Variants in VPS13D observed in about 807,000 individuals in gnomAD.
VPS13D encodes vacuolar protein sorting 13 homolog D, also known as intermembrane lipid transfer protein VPS13D.
Under a neutral mutation model 461.9 loss-of-function variants are expected in VPS13D, and 187 were observed. That is an observed-to-expected ratio of 0.40 (90% CI 0.36 to 0.46). The LOEUF is 0.46. Ranked by LOEUF, VPS13D falls within the 20% of genes least tolerant of loss-of-function variation. The pLI, the probability that VPS13D is intolerant of heterozygous loss-of-function variation, is 0.60. For missense variants in VPS13D, 4,711 were observed against 5,364.9 expected (o/e 0.88, Z 3.81); for synonymous variants, 1,951 against 1,986.3 (o/e 0.98, Z 0.47).
rs768132339 is a variant in VPS13D at position 12,460,407 on chromosome 1, T to A, written c.12662+11T>A. 26 of 1,552,106 alleles carry A rather than the reference T, an allele frequency of 1.7e-5. No homozygotes were observed. ...ACTCAGCGGCCCCAGGTCAGTGGTGTGGGAAGAATGGCTTTTGCAGTTTCC... is the reference window on the plus strand; with the variant it reads ...ACTCAGCGGCCCCAGGTCAGTGGTGAGGGAAGAATGGCTTTTGCAGTTTCC... On this transcript the variant is annotated intron_variant, in intron 67 of 69. Coordinates refer to ENST00000620676, the MANE Select transcript of VPS13D (RefSeq NM_015378.4).
intron 6 of VPS13D, among the ~76,000 whole-genome samples, chr1:12,252,907 C>G (rs1292863740): frequency 6.6e-6 from 1 of 151,652 alleles, no homozygotes; most frequent in African/African-American, 2.4e-5. Context: ...GCCTGTAATC[C>G]CAGCACTTTG....
intron 60 of VPS13D, among the ~76,000 whole-genome samples, chr1:12,396,010 TA>T (rs1644492064): frequency 1.5e-5 from 2 of 134,476 alleles, no homozygotes; most frequent in East Asian, 2.1e-4. Context: ...TATATATATA[TA>T]TATATATATA....
intron 15 of VPS13D, 50 bp from the exon 16 acceptor site, chr1:12,268,656 G>C: frequency 6.4e-7 from 1 of 1,571,522 alleles, no homozygotes; most frequent in Non-Finnish European, 8.6e-7. Context: ...TGTTAATAAG[G>C]CTATAGTTTT....
chr1:12,285,293 T>TC (rs1258743265), intron 21 of VPS13D, among the ~76,000 whole-genome samples: 1 of 143,234 alleles, frequency 7.0e-6, no homozygotes, highest in African/African-American at 2.7e-5. Context: ...TATTTATTTA[T>TC]TTATTTTTTT....
intron 18 of VPS13D, 33 bp from the exon 19 acceptor site, chr1:12,275,792 C>T: frequency 6.5e-7 from 1 of 1,528,410 alleles, no homozygotes; most frequent in East Asian, 2.3e-5. Context: ...AAATAGCAGA[C>T]ATATATTTGA....
chr1:12,356,214 A>G (rs924811374), intron 48 of VPS13D, 124 bp downstream of exon 48: 16 of 1,399,294 alleles, frequency 1.1e-5, no homozygotes, highest in Admixed American at 1.0e-4. Context: ...CTGCTGAAAC[A>G]TTCCTGCTTC....
chr1:12,428,178 G>A (rs1368956452), intron 65 of VPS13D, among the ~76,000 whole-genome samples: 1 of 152,204 alleles, frequency 6.6e-6, no homozygotes, highest in Non-Finnish European at 1.5e-5. Flanking sequence ...GCGGGTGAGA[G>A]TCTGGCTTTT....
intron 65 of VPS13D, among the ~76,000 whole-genome samples, chr1:12,449,074 G>A (rs560121946): frequency 4.6e-5 from 7 of 151,876 alleles, no homozygotes; most frequent in South Asian, 2.1e-4. Context: ...GTGTTTATCC[G>A]TGAAATAGCA....
At chr1:12,262,406 A>G (rs1641138973) in intron 13 of VPS13D, among the ~76,000 whole-genome samples, 1 of 152,246 alleles carries the variant, frequency 6.6e-6, no homozygotes, top group Non-Finnish European at 1.5e-5. Context: ...CACAAGAGTT[A>G]TACACATTCA....
At chr1:12,347,479 A>C (rs1643701341) in intron 44 of VPS13D, among the ~76,000 whole-genome samples, 1 of 152,110 alleles carries the variant, frequency 6.6e-6, no homozygotes, top group Non-Finnish European at 1.5e-5. Context: ...CTAGGATTTT[A>C]AGTAATTGTT....
intron 22 of VPS13D, among the ~76,000 whole-genome samples, chr1:12,290,488 C>A (rs1281608453): frequency 6.6e-6 from 1 of 151,970 alleles, no homozygotes; most frequent in South Asian, 2.1e-4. Context: ...TTTGGGAGGC[C>A]AAGGCGGGCG....
chr1:12,283,362 C>T lies in VPS13D; in HGVS notation c.5260C>T (p.Gln1754Ter). 1 of 1,614,098 alleles carries T rather than the reference C, an allele frequency of 6.2e-7. No individual in the cohort carries two copies. Among genetic ancestry groups the T allele is most frequent in the African/African-American group, 1.3e-5 (1 of 75,002 alleles). The change falls in exon 21 of 70, where the codon CAA becomes TAA. Residue 1754 changes from glutamine (Q) to a stop codon, truncating the protein, a stop_gained. Coordinates refer to ENST00000620676, the MANE Select transcript of VPS13D (RefSeq NM_015378.4). LOFTEE classifies it high-confidence loss of function. ...SASRKKQKEV[Q>*]DKDYPLTPPP... is the part of the protein sequence containing the mutation. ...GTCCCGGAAAAAGCAAAAGGAAGTC[C>T]AAGACAAGGACTATCCCTTGACCCC...
intron 2 of VPS13D, among the ~76,000 whole-genome samples, chr1:12,238,332 G>C (rs1640231802): frequency 6.6e-6 from 1 of 151,226 alleles, no homozygotes; most frequent in Non-Finnish European, 1.5e-5. Flanking sequence ...TGGCTACTGA[G>C]GAGGCTGAGG....
At chr1:12,368,426 T>G in intron 52 of VPS13D, 42 bp from the exon 53 acceptor site, 1 of 1,567,990 alleles carries the variant, frequency 6.4e-7, no homozygotes, top group Non-Finnish European at 8.6e-7. Flanking sequence ...GCATCTTGTC[T>G]CCTACATTTT....
At chr1:12,358,249 C>T (rs1325089354) in intron 49 of VPS13D, among the ~76,000 whole-genome samples, 5 of 152,206 alleles carry the variant, frequency 3.3e-5, no homozygotes, top group Non-Finnish European at 4.4e-5. Context: ...GTAAATTTCA[C>T]ACACTGTTGT....
intron 47 of VPS13D, among the ~76,000 whole-genome samples, chr1:12,355,047 A>C (rs560679276): frequency 1.3e-5 from 2 of 152,370 alleles, no homozygotes; most frequent in African/African-American, 2.4e-5. Flanking sequence ...GACGTACAGA[A>C]ATCAGAGGTG....
chr1:12,391,459 T>G (rs1489832771), intron 60 of VPS13D, among the ~76,000 whole-genome samples: 2 of 152,048 alleles, frequency 1.3e-5, no homozygotes, highest in African/African-American at 4.8e-5. Context: ...GTAACTTACT[T>G]GTGCCTTCAG....
rs192437749 is a variant in VPS13D at position 12,301,749 on chromosome 1, C to T, written c.6216+2365C>T. On this transcript the variant is annotated intron_variant, in intron 25 of 69. Coordinates refer to ENST00000620676, the MANE Select transcript of VPS13D (RefSeq NM_015378.4). ...TGAAAGTTCCAACCCTCTAATCACA[C>T]GGTTGCCTGTACTTCCAGCAACCCC... 1.9e-3 allele frequency among the ~76,000 whole-genome samples: 290 copies of T among 152,310 alleles called. 2 individuals carry two copies. The highest frequency in any genetic ancestry group is 0.011 in the Admixed American group (166 of 15,310).
Position 12,379,518 on chromosome 1 carries a change from C to T in VPS13D, c.11112C>T (p.Asp3704=), listed in dbSNP as rs775504097. The T allele has an allele frequency of 2.5e-6, 4 of 1,613,342 alleles. No individual in the cohort carries two copies. Among genetic ancestry groups the T allele is most frequent in the South Asian group, 2.2e-5 (2 of 90,930 alleles). ...RYEPLMLRKP[D]RRRSTTQTWS... ...AGCCACTGATGCTGAGAAAGCCTGA[C>T]CGCAGGCGAAGCACAACTCAGACGT... Residue 3704 remains aspartate (D), a synonymous_variant, in exon 57 of 70, where the codon GAC becomes GAT. Transcript: ENST00000620676.
Sources: gnomAD v4.1 joint callset for allele counts (sites outside exome capture counted in the v4.1 genomes callset) on GRCh38, gnomAD v4.1.1 for gene constraint, MANE v1.5 for transcripts, NCBI Gene and HGNC (gene_info 2026-07-23, HGNC 2026-07-21) for gene names.